Variants in MAPRE2 observed in about 807,000 individuals in gnomAD.
MAPRE2 encodes the protein microtubule-associated protein RP/EB family member 2.
In MAPRE2, 13 loss-of-function variants were observed where a neutral mutation model predicts 43.2. The observed-to-expected ratio is 0.30, with a 90% CI of 0.20 to 0.48. The LOEUF (loss-of-function observed/expected upper bound fraction) is 0.48. Ranked by LOEUF, MAPRE2 falls within the 20% of genes least tolerant of loss-of-function variation. The pLI, the probability that MAPRE2 is intolerant of heterozygous loss-of-function variation, is 0.99. For synonymous variants in MAPRE2, 135 were observed against 148.8 expected, an observed-to-expected ratio of 0.91 and a Z score of 0.68; for missense variants, 161 against 400.2, an observed-to-expected ratio of 0.40 and a Z score of 5.10.
intron 4 of MAPRE2, among the ~76,000 whole-genome samples, chr18:35,121,493 T>C (rs2144225003): frequency 6.6e-6 from 1 of 152,340 alleles, no homozygotes; most frequent in South Asian, 2.1e-4. Context: ...TTCCTTTTTA[T>C]TTTGAAAGGT....
intron 4 of MAPRE2, among the ~76,000 whole-genome samples, chr18:35,111,960 C>T (rs761359819): frequency 1.3e-5 from 2 of 152,164 alleles, no homozygotes; most frequent in Non-Finnish European, 2.9e-5. Context: ...CTACTTGATA[C>T]TGCTATTTTA....
chr18:35,022,451 T>G lies in MAPRE2; in HGVS notation c.-8+16898T>G, dbSNP rs997022094. 2.0e-5 allele frequency among the ~76,000 whole-genome samples: 3 copies of G among 152,050 alleles called. No individual in the cohort carries two copies. The East Asian group carries it at 5.8e-4, about 29-fold the overall frequency. On this transcript the variant is annotated intron_variant, in intron 2 of 7. Transcript: ENST00000413393. ...TGTCAATAAAAAAGTAGTTAAAAGCTCTAGAAAAAAATATATATTAAGATT... is the reference window on the plus strand; with the variant it reads ...TGTCAATAAAAAAGTAGTTAAAAGCGCTAGAAAAAAATATATATTAAGATT...
intron 1 of MAPRE2, chr18:35,005,463 CT>C (rs200718516): frequency 5.6e-5 from 79 of 1,420,336 alleles, no homozygotes; most frequent in Non-Finnish European, 6.6e-5. Flanking sequence ...TGCTTGCACT[CT>C]TTTTTTCTTC....
At chr18:35,121,863 C>T (rs994356827) in intron 4 of MAPRE2, among the ~76,000 whole-genome samples, 21 of 152,058 alleles carry the variant, frequency 1.4e-4, no homozygotes, top group Admixed American at 1.2e-3. Flanking sequence ...GAGCAGTTTA[C>T]GAGATTGGAA....
chr18:35,121,059 A>T (rs1021917454), intron 4 of MAPRE2, among the ~76,000 whole-genome samples: 1 of 152,136 alleles, frequency 6.6e-6, no homozygotes, highest in African/African-American at 2.4e-5. Context: ...TCCTCTGTTT[A>T]TGACTTTGGC....
upstream of MAPRE2, among the ~76,000 whole-genome samples, chr18:35,037,061 G>C (rs1424375626): frequency 6.6e-6 from 1 of 152,076 alleles, no homozygotes; most frequent in African/African-American, 2.4e-5. Flanking sequence ...CCCACCCTAT[G>C]TTGCACCATT....
intron 1 of MAPRE2, among the ~76,000 whole-genome samples, chr18:35,050,037 A>G (rs1277493416): frequency 6.6e-6 from 1 of 152,252 alleles, no homozygotes; most frequent in Non-Finnish European, 1.5e-5. Flanking sequence ...ATGCTATTAC[A>G]TAAAAAGTGA....
chr18:35,036,059 C>T (rs2097050413), intron 2 of MAPRE2, among the ~76,000 whole-genome samples: 1 of 151,092 alleles, frequency 6.6e-6, no homozygotes, highest in Admixed American at 6.6e-5. Context: ...ATGTCCAAAA[C>T]ACATTATGAG....
chr18:35,035,707 C>A (rs970017795), intron 2 of MAPRE2, among the ~76,000 whole-genome samples: 1 of 150,034 alleles, frequency 6.7e-6, no homozygotes, highest in East Asian at 2.0e-4. Flanking sequence ...GAGACCTCTC[C>A]CTCCTTTGTG....
chr18:35,120,366 G>A (rs1909618971), intron 4 of MAPRE2, among the ~76,000 whole-genome samples: 1 of 152,174 alleles, frequency 6.6e-6, no homozygotes, highest in South Asian at 2.1e-4. Flanking sequence ...GAAGTCCTAA[G>A]GGCTGTAAAC....
chr18:35,037,316 T>C (rs929672094), upstream of MAPRE2, among the ~76,000 whole-genome samples: 1 of 152,230 alleles, frequency 6.6e-6, no homozygotes, highest in African/African-American at 2.4e-5. Flanking sequence ...GTTAAGTGCT[T>C]TAAATACATT....
At chr18:35,096,789 TATAAGTAATACTTAATACTTA>T (rs200044328) in intron 2 of MAPRE2, among the ~76,000 whole-genome samples, 27,316 of 151,340 alleles carry the variant, frequency 0.18, 3,516 homozygotes, top group African/African-American at 0.36. Flanking sequence ...AGTTAATAAG[TATAAGTAATACTTAATACTTA>T]ATAAGTAATA....
Position 35,041,650 on chromosome 18 carries a change from G to A in MAPRE2, c.111G>A (p.Glu37=). ...IPFRKHTVRG[E]RSYSWGMAVN... is the part of the protein sequence containing the mutation. The stretch of plus-strand genomic sequence containing the variant: ...TCCGGAAGCACACAGTGCGCGGGGA[G>A]CGTTCCTACAGGTAATGGGGCTGGC... The change falls in exon 1 of 7, where the codon GAG becomes GAA. Residue 37 remains glutamate, a synonymous_variant. Transcript: ENST00000300249. 1 of 1,614,240 alleles carries A rather than the reference G, an allele frequency of 6.2e-7. No homozygotes were observed. Among genetic ancestry groups the A allele is most frequent in the South Asian group, 1.1e-5 (1 of 91,084 alleles).
chr18:35,010,892 A>T (rs1260606486), intron 2 of MAPRE2, among the ~76,000 whole-genome samples: 2 of 152,234 alleles, frequency 1.3e-5, no homozygotes, highest in Admixed American at 6.5e-5. Context: ...CTAAATGTTA[A>T]CAATTGCTGA....
intron 4 of MAPRE2, among the ~76,000 whole-genome samples, chr18:35,120,490 G>A (rs549532780): frequency 1.3e-5 from 2 of 152,202 alleles, no homozygotes; most frequent in East Asian, 3.9e-4. Flanking sequence ...GTGCTTTTTT[G>A]CCCTCAGCTC....
chr18:35,009,416 A>T, intron 2 of MAPRE2, among the ~76,000 whole-genome samples: 1 of 152,234 alleles, frequency 6.6e-6, no homozygotes, highest in East Asian at 1.9e-4. Flanking sequence ...AATCATTATA[A>T]GGGTGATAAG....
At chr18:34,977,173 CT>C (rs1003705281) in intron 1 of MAPRE2, 2 of 152,808 alleles carry the variant, frequency 1.3e-5, no homozygotes, top group African/African-American at 4.8e-5. Flanking sequence ...CTGGCTGCGC[CT>C]CCTCCTGCCG....
In MAPRE2 at chr18:35,041,629, G is replaced by A; in HGVS notation, c.90G>A (p.Arg30=). ...QDNNGTIIPF[R]KHTVRGERSY... The stretch of plus-strand genomic sequence containing the variant: ...ATAACGGGACCATCATTCCTTTCCG[G>A]AAGCACACAGTGCGCGGGGAGCGTT... The change falls in exon 1 of 7, where the codon CGG becomes CGA. Residue 30 remains arginine, a synonymous_variant. Transcript: ENST00000300249. The A allele has an allele frequency of 1.9e-6, 3 of 1,614,216 alleles. No individual in the cohort carries two copies. The highest frequency in any genetic ancestry group is 2.5e-6 in the Non-Finnish European group (3 of 1,180,040).
At chr18:35,109,955 A>G (rs986627991) in intron 4 of MAPRE2, among the ~76,000 whole-genome samples, 1 of 152,014 alleles carries the variant, frequency 6.6e-6, no homozygotes, top group Non-Finnish European at 1.5e-5. Context: ...TTAGAATTCT[A>G]TTTTAATTTA....
Sources: gnomAD v4.1 joint callset for allele counts (sites outside exome capture counted in the v4.1 genomes callset) on GRCh38, gnomAD v4.1.1 for gene constraint, MANE v1.5 for transcripts, NCBI Gene and HGNC (gene_info 2026-07-23, HGNC 2026-07-21) for gene names.